ELMOD2: variants seen among roughly 807,000 people sequenced by gnomAD.
ELMOD2 encodes ELMO domain-containing protein 2.
ELMOD2 carries 28 observed loss-of-function variants against 41.0 expected under a neutral mutation model. That is an observed-to-expected ratio of 0.68 (90% CI 0.51 to 0.94). ELMOD2 has a LOEUF of 0.94. ELMOD2 is among the 40% of genes least tolerant of loss of function. The pLI is 0.00. For missense variants in ELMOD2, 333 were observed against 343.1 expected, an observed-to-expected ratio of 0.97 and a Z score of 0.23; for synonymous variants, 106 against 107.2, an observed-to-expected ratio of 0.99 and a Z score of 0.07.
intron 2 of ELMOD2, 73 bp from the exon 3 acceptor site, chr4:140,527,393 A>G (rs1405689827): frequency 8.9e-7 from 1 of 1,119,542 alleles, no homozygotes. Context: ...TATTTTTACT[A>G]GTTGTTTATT....
intron 8 of ELMOD2, among the ~76,000 whole-genome samples, 189 bp downstream of exon 8, chr4:140,543,775 A>G (rs936700044): frequency 6.6e-6 from 1 of 152,114 alleles, no homozygotes; most frequent in Non-Finnish European, 1.5e-5. Context: ...TCCATACTTC[A>G]GTTTTTATAT....
intron 3 of ELMOD2, among the ~76,000 whole-genome samples, chr4:140,534,317 C>A (rs189990287): frequency 1.3e-5 from 2 of 152,038 alleles, no homozygotes; most frequent in East Asian, 1.9e-4. Context: ...CAAAATAGTA[C>A]GTACTTTGAT....
chr4:140,528,443 G>A (rs991291454), intron 3 of ELMOD2, among the ~76,000 whole-genome samples: 9 of 152,088 alleles, frequency 5.9e-5, no homozygotes, highest in Non-Finnish European at 1.0e-4. Context: ...ACAATAATAG[G>A]AATAGAACAG....
chr4:140,526,108 T>C (rs1734554320), intron 2 of ELMOD2, among the ~76,000 whole-genome samples: 1 of 152,238 alleles, frequency 6.6e-6, no homozygotes, highest in African/African-American at 2.4e-5. Context: ...TGAGATGTGC[T>C]GTAAGTGTAA....
At chr4:140,548,013 A>G (rs536817738) in intron 8 of ELMOD2, among the ~76,000 whole-genome samples, 10 of 152,240 alleles carry the variant, frequency 6.6e-5, no homozygotes, top group Admixed American at 2.6e-4. Context: ...CACTTTAGCT[A>G]TTATAGTCTC....
At chr4:140,549,641 C>T (rs867709849) in intron 8 of ELMOD2, among the ~76,000 whole-genome samples, 12 of 138,186 alleles carry the variant, frequency 8.7e-5, no homozygotes, top group Middle Eastern at 8.1e-3. Context: ...GGAAGTTTCT[C>T]GGGAAACTTT....
chr4:140,550,614 A>G lies in ELMOD2; in HGVS notation c.*239A>G, dbSNP rs143680232. ...CCCTCTGTAGAGTCATGCGAACTAC[A>G]GTTTGGAACTTGGGACTTAGCCCGT... is the stretch of plus-strand genomic sequence containing the variant. On this transcript the variant is annotated 3_prime_UTR_variant, in exon 9 of 9. Coordinates refer to ENST00000323570, the MANE Select transcript of ELMOD2 (RefSeq NM_153702.4). 1.6e-3 allele frequency: 442 copies of G among 274,190 alleles called. 4 individuals carry two copies. Among genetic ancestry groups the G allele is most frequent in the African/African-American group, 9.1e-3 (411 of 45,018 alleles). 17.0% of individuals were successfully genotyped at this position (274,190 alleles called of 1,614,324 possible).
Position 140,535,849 on chromosome 4 carries a change from A to T in ELMOD2, c.269+19A>T. 1 of 1,584,072 alleles carries T rather than the reference A, an allele frequency of 6.3e-7. No homozygotes were observed. The highest frequency in any genetic ancestry group is 8.6e-7 in the Non-Finnish European group (1 of 1,166,542). Reference sequence around the variant, plus strand: ...ATGCCAGGTGTGCGTTTTTTACATTATTCTTTTTTATTATGCATTTATAGC... The same window carrying T: ...ATGCCAGGTGTGCGTTTTTTACATTTTTCTTTTTTATTATGCATTTATAGC... On this transcript the variant is annotated intron_variant, in intron 4 of 8. Transcript: ENST00000323570.
At chr4:140,549,309 G>A (rs1267682019) in intron 8 of ELMOD2, among the ~76,000 whole-genome samples, 1 of 151,626 alleles carries the variant, frequency 6.6e-6, no homozygotes, top group African/African-American at 2.4e-5. Flanking sequence ...CTTGTTGATA[G>A]ATATTTTGAT....
At chr4:140,546,166 A>G in intron 8 of ELMOD2, among the ~76,000 whole-genome samples, 1 of 152,190 alleles carries the variant, frequency 6.6e-6, no homozygotes, top group South Asian at 2.1e-4. Flanking sequence ...ATAAAAAATG[A>G]TGAGTTCATG....
rs1333322624 is a variant in ELMOD2, at chr4:140,535,822, G to A, written c.261G>A (p.Lys87=). Residue 87 remains lysine (K), a synonymous_variant, in exon 4 of 9, where the codon AAG becomes AAA. Coordinates refer to ENST00000323570, the MANE Select transcript of ELMOD2 (RefSeq NM_153702.4). ...IMKEKNINPE[K]DASFKICMKM... ...AGGAAAAGAATATTAACCCTGAGAAGGATGCCAGGTGTGCGTTTTTTACAT... is the reference window on the plus strand; with the variant it reads ...AGGAAAAGAATATTAACCCTGAGAAAGATGCCAGGTGTGCGTTTTTTACAT... 1 of 1,601,672 alleles carries A rather than the reference G, an allele frequency of 6.2e-7. No individual in the cohort carries two copies. Among genetic ancestry groups the A allele is most frequent in the Non-Finnish European group, 8.5e-7 (1 of 1,176,810 alleles).
intron 5 of ELMOD2, among the ~76,000 whole-genome samples, chr4:140,539,368 T>C (rs570138438): frequency 6.6e-6 from 1 of 152,136 alleles, no homozygotes; most frequent in East Asian, 1.9e-4. Context: ...TGTTTTTTTT[T>C]TTTTCCTTTT....
chr4:140,544,672 T>C (rs887815625), intron 8 of ELMOD2, among the ~76,000 whole-genome samples: 4 of 151,928 alleles, frequency 2.6e-5, no homozygotes, highest in Non-Finnish European at 5.9e-5. Context: ...CCCCACAGAC[T>C]CTATAGTGGA....
At chr4:140,538,657 G>A (rs945810641) in intron 5 of ELMOD2, among the ~76,000 whole-genome samples, 4 of 152,076 alleles carry the variant, frequency 2.6e-5, no homozygotes, top group African/African-American at 9.7e-5. Context: ...ACAAGTCCTA[G>A]CCCTCTAGTC....
At chr4:140,547,749 G>GA (rs11390412) in intron 8 of ELMOD2, among the ~76,000 whole-genome samples, 13,052 of 152,076 alleles carry the variant, frequency 0.086, 562 homozygotes, top group South Asian at 0.11. Flanking sequence ...CCCTTCCTAT[G>GA]ATTTTCTAAT....
chr4:140,535,137 T>TCTCTCTCTCTCTCTCTCTC (rs1560827004), intron 3 of ELMOD2, among the ~76,000 whole-genome samples: 3 of 141,402 alleles, frequency 2.1e-5, no homozygotes, highest in Non-Finnish European at 4.6e-5. Context: ...ATCTGTTTCT[T>TCTCTCTCTCTCTCTCTCTC]TCTCTCTCTC....
At chr4:140,549,681 CTTTTTTTTTTT>C (rs10538089) in intron 8 of ELMOD2, among the ~76,000 whole-genome samples, 114 of 42,984 alleles carry the variant, frequency 2.7e-3, no homozygotes, top group African/African-American at 0.012. Flanking sequence ...AGTACTACAT[CTTTTTTTTTTT>C]TTTTTTTTTT....
intron 5 of ELMOD2, 139 bp from the exon 6 acceptor site, chr4:140,540,029 G>A: frequency 1.0e-6 from 1 of 966,824 alleles, no homozygotes; most frequent in Non-Finnish European, 1.5e-6. Flanking sequence ...TGTGCTGCGT[G>A]TTTTAGGATA....
At chr4:140,535,140 TCTCTC>T (rs1560827039) in intron 3 of ELMOD2, among the ~76,000 whole-genome samples, 7 of 6,418 alleles carry the variant, frequency 1.1e-3, no homozygotes. Context: ...TGTTTCTTTC[TCTCTC>T]TCTCTCTCTC....
Sources: gnomAD v4.1 joint callset for allele counts (sites outside exome capture counted in the v4.1 genomes callset) on GRCh38, gnomAD v4.1.1 for gene constraint, MANE v1.5 for transcripts, NCBI Gene and HGNC (gene_info 2026-07-23, HGNC 2026-07-21) for gene names.